The following RBFOX1 variants were observed in gnomAD, a reference collection of about 807,000 sequenced individuals.
RBFOX1 encodes the protein RNA binding protein fox-1 homolog 1.
Under a neutral mutation model 57.7 loss-of-function variants are expected in RBFOX1, and 8 were observed. That is an observed-to-expected ratio of 0.14 (90% confidence interval 0.08 to 0.25). The LOEUF is 0.25. RBFOX1 is among the 10% of genes least tolerant of loss of function. RBFOX1 has a pLI of 1.00. For synonymous variants in RBFOX1, 326 were observed against 222.4 expected (o/e 1.47, Z -4.15); for missense variants, 611 against 548.5 (o/e 1.11, Z -1.14).
chr16:5,249,743 C>G (rs1324703183), intron 1 of RBFOX1, among the ~76,000 whole-genome samples: 1 of 152,168 alleles, frequency 6.6e-6, no homozygotes, highest in Non-Finnish European at 1.5e-5. Context: ...TCAAGGTGGG[C>G]GGGCCAGGAA....
At chr16:5,274,396 G>A (rs1340461105) in intron 1 of RBFOX1, among the ~76,000 whole-genome samples, 3 of 152,176 alleles carry the variant, frequency 2.0e-5, no homozygotes, top group South Asian at 2.1e-4. Flanking sequence ...AGGCGTGGTC[G>A]TGGGTGCCTG....
intron 1 of RBFOX1, among the ~76,000 whole-genome samples, chr16:6,159,715 T>C (rs1393500601): frequency 6.6e-6 from 1 of 152,240 alleles, no homozygotes; most frequent in Admixed American, 6.5e-5. Context: ...ACCTCATTTT[T>C]CTGCAGCTTC....
At chr16:6,674,083 G>A (rs111927559) in intron 3 of RBFOX1, among the ~76,000 whole-genome samples, 14 of 152,266 alleles carry the variant, frequency 9.2e-5, no homozygotes, top group African/African-American at 3.1e-4. Context: ...CACTCTCTTG[G>A]TTCTAATAGA....
intron 3 of RBFOX1, among the ~76,000 whole-genome samples, chr16:6,689,170 G>A (rs1225553899): frequency 2.6e-5 from 4 of 152,140 alleles, no homozygotes; most frequent in African/African-American, 9.7e-5. Context: ...GGATTGCTGG[G>A]TCAAATGTTA....
intron 1 of RBFOX1, among the ~76,000 whole-genome samples, chr16:6,124,893 C>A (rs1027355894): frequency 6.6e-6 from 1 of 152,130 alleles, no homozygotes; most frequent in East Asian, 1.9e-4. Context: ...GATTTTTAAC[C>A]ATCTACAACC....
chr16:5,272,324 G>A (rs1446816318), intron 1 of RBFOX1, among the ~76,000 whole-genome samples: 3 of 152,130 alleles, frequency 2.0e-5, no homozygotes, highest in Non-Finnish European at 2.9e-5. Flanking sequence ...TCACATAAAT[G>A]TGTACAATTA....
chr16:7,298,124 G>A (rs775746191), intron 4 of RBFOX1, among the ~76,000 whole-genome samples: 4 of 152,092 alleles, frequency 2.6e-5, no homozygotes, highest in South Asian at 2.1e-4. Context: ...CAGATGCCCC[G>A]CATTCTTTTT....
intron 4 of RBFOX1, chr16:7,304,220 G>C (rs868829982): frequency 4.4e-5 from 25 of 568,558 alleles, no homozygotes; most frequent in South Asian, 9.8e-5. Context: ...GAGACAGAGA[G>C]AGAGAGAGAG....
At chr16:6,233,849 A>G (rs11649368) in intron 1 of RBFOX1, among the ~76,000 whole-genome samples, 107,309 of 152,012 alleles carry the variant, frequency 0.71, 38,322 homozygotes, top group South Asian at 0.82. Context: ...GAACTTTCCT[A>G]AACCATTTTA....
At chr16:6,040,681 G>T (rs2095426938) in intron 1 of RBFOX1, among the ~76,000 whole-genome samples, 1 of 151,736 alleles carries the variant, frequency 6.6e-6, no homozygotes, top group South Asian at 2.1e-4. Context: ...TGCAAACTCT[G>T]CCTCCTGAGT....
chr16:6,118,885 G>T (rs1235148189), intron 1 of RBFOX1, among the ~76,000 whole-genome samples: 1 of 151,508 alleles, frequency 6.6e-6, no homozygotes, highest in East Asian at 1.9e-4. Flanking sequence ...CTTGTCCCAT[G>T]ACCTAATCAT....
At chr16:5,364,503 G>C (rs746386910) in intron 1 of RBFOX1, among the ~76,000 whole-genome samples, 20 of 152,234 alleles carry the variant, frequency 1.3e-4, no homozygotes, top group Non-Finnish European at 2.4e-4. Context: ...GGTTCCCGAT[G>C]CAAGGGATCT....
intron 4 of RBFOX1, among the ~76,000 whole-genome samples, chr16:7,200,186 A>G (rs1385346937): frequency 6.6e-6 from 1 of 152,214 alleles, no homozygotes; most frequent in Non-Finnish European, 1.5e-5. Context: ...GCAAAATCCT[A>G]GGAAGTAGTG....
At chr16:6,760,476 A>C (rs1186854702) in intron 3 of RBFOX1, among the ~76,000 whole-genome samples, 1 of 152,206 alleles carries the variant, frequency 6.6e-6, no homozygotes, top group Non-Finnish European at 1.5e-5. Context: ...AATAAGATAA[A>C]ATACCAAGGA....
chr16:6,975,040 T>C (rs1308242792), intron 3 of RBFOX1, among the ~76,000 whole-genome samples: 6 of 152,122 alleles, frequency 3.9e-5, no homozygotes, highest in Admixed American at 6.5e-5. Context: ...CTTTTTCTTT[T>C]GATCCAATTG....
At chr16:5,374,636 G>C (rs1019590000) in intron 1 of RBFOX1, among the ~76,000 whole-genome samples, 10 of 152,108 alleles carry the variant, frequency 6.6e-5, no homozygotes, top group African/African-American at 2.4e-4. Context: ...CCATTAGAGA[G>C]AGAGGGGAGT....
intron 14 of RBFOX1, among the ~76,000 whole-genome samples, chr16:7,699,031 G>T (rs1176305851): frequency 2.0e-5 from 3 of 152,174 alleles, no homozygotes; most frequent in African/African-American, 7.2e-5. Flanking sequence ...TGGAGAACTT[G>T]TTACAAATGC....
chr16:7,034,598 A>G (rs2043742071), intron 3 of RBFOX1, among the ~76,000 whole-genome samples: 1 of 151,940 alleles, frequency 6.6e-6, no homozygotes, highest in Non-Finnish European at 1.5e-5. Context: ...TCCAGAGAAG[A>G]TCCCTGGCAA....
At chr16:5,404,280 C>T (rs1379171520) in intron 1 of RBFOX1, among the ~76,000 whole-genome samples, 1 of 152,104 alleles carries the variant, frequency 6.6e-6, no homozygotes, top group Non-Finnish European at 1.5e-5. Context: ...TGCACGTGTA[C>T]CCCATACATT....
Sources: allele counts gnomAD v4.1 joint callset (sites outside exome capture counted in the v4.1 genomes callset), GRCh38; gene constraint gnomAD v4.1.1; transcripts MANE v1.5; gene names NCBI Gene and HGNC (gene_info 2026-07-23, HGNC 2026-07-21).